Variants in SYTL5 observed in about 807,000 individuals in gnomAD.
SYTL5 encodes the protein synaptotagmin like 5.
In SYTL5, 34 loss-of-function variants were observed where a neutral mutation model predicts 55.9. The ratio of observed to expected loss-of-function variants is 0.61; its 90% CI spans 0.46 to 0.81. SYTL5 has a LOEUF of 0.81. Ranked by LOEUF, SYTL5 falls within the 30% of genes least tolerant of loss-of-function variation. The probability of loss-of-function intolerance (pLI) is 0.00; values close to 1 mark genes in which losing one functional copy is unlikely to be tolerated. For missense variants in SYTL5, 637 were observed against 546.7 expected (o/e 1.17, Z -1.65); for synonymous variants, 221 against 188.7 (o/e 1.17, Z -1.40).
intron 11 of SYTL5, among the ~76,000 whole-genome samples, chrX:38,107,004 T>A (rs372394459): frequency 1.8e-5 from 2 of 112,713 alleles, no homozygotes; most frequent in South Asian, 3.7e-4. Context: ...ATATTTGCAA[T>A]TTACACAGAG....
chrX:38,108,983 G>A (rs766980861), intron 12 of SYTL5, among the ~76,000 whole-genome samples: 2 of 112,205 alleles, frequency 1.8e-5, no homozygotes, highest in South Asian at 3.7e-4. Context: ...CTAAAAAATC[G>A]GTTTTACCTT....
intron 2 of SYTL5, among the ~76,000 whole-genome samples, chrX:38,038,772 T>G (rs749292806): frequency 2.7e-5 from 3 of 112,360 alleles, no homozygotes; most frequent in Non-Finnish European, 5.6e-5. Flanking sequence ...ACCAAAATTT[T>G]TTTTAGACTG....
intron 5 of SYTL5, among the ~76,000 whole-genome samples, chrX:38,076,157 A>G (rs748069473): frequency 9.6e-4 from 108 of 112,200 alleles, no homozygotes; most frequent in Non-Finnish European, 1.7e-3. Context: ...ATGGAGCTGC[A>G]GTCTAATAAG....
intron 13 of SYTL5, among the ~76,000 whole-genome samples, chrX:38,116,978 T>C (rs778480711): frequency 1.8e-5 from 2 of 112,515 alleles, no homozygotes; most frequent in Non-Finnish European, 3.8e-5. Context: ...TGAAAACTCA[T>C]TGAAAGCAGG....
At chrX:37,998,611 A>T in the SYTL5 span, among the ~76,000 whole-genome samples, 1 of 111,430 alleles carries the variant, frequency 9.0e-6, no homozygotes, top group Non-Finnish European at 1.9e-5. Context: ...GCCGTTCCAC[A>T]CCTTACTCCC....
At chrX:37,955,442 G>C in the SYTL5 span, among the ~76,000 whole-genome samples, 1 of 111,882 alleles carries the variant, frequency 8.9e-6, no homozygotes, top group African/African-American at 3.2e-5. Flanking sequence ...TATTTACTTT[G>C]TTTTACTGTG....
the SYTL5 span, among the ~76,000 whole-genome samples, chrX:37,927,550 C>T: frequency 3.6e-5 from 4 of 109,849 alleles, no homozygotes; most frequent in Admixed American, 9.8e-5. Flanking sequence ...TCGAGGCGGG[C>T]GGATCACAAG....
chrX:38,038,274 G>A (rs1003038548), intron 2 of SYTL5, among the ~76,000 whole-genome samples: 1 of 111,731 alleles, frequency 9.0e-6, no homozygotes, highest in African/African-American at 3.3e-5. Flanking sequence ...GCTGGCTATA[G>A]CCCCCGTTCC....
chrX:38,043,416 A>G (rs1935342453), intron 2 of SYTL5, among the ~76,000 whole-genome samples: 1 of 105,817 alleles, frequency 9.5e-6, no homozygotes, highest in Non-Finnish European at 1.9e-5. Flanking sequence ...CAATTTTCAT[A>G]TAGTTGGAAA....
chrX:37,912,738 G>A, the SYTL5 span, among the ~76,000 whole-genome samples: 10 of 111,879 alleles, frequency 8.9e-5, no homozygotes, highest in Admixed American at 2.9e-4. Context: ...ACTTTGTGAG[G>A]TAGTCATGTT....
At chrX:38,018,854 A>T (rs1221900420) in intron 1 of SYTL5, among the ~76,000 whole-genome samples, 1 of 110,557 alleles carries the variant, frequency 9.0e-6, no homozygotes, top group Admixed American at 9.6e-5. Context: ...CCCAAAAGTG[A>T]CTCTTATTTT....
intron 3 of SYTL5, among the ~76,000 whole-genome samples, chrX:38,057,299 A>G (rs1179703472): frequency 9.0e-6 from 1 of 111,313 alleles, no homozygotes; most frequent in Non-Finnish European, 1.9e-5. Context: ...CTGTAGATGT[A>G]TGTATATGTT....
intron 2 of SYTL5, among the ~76,000 whole-genome samples, chrX:38,051,205 G>C (rs925564391): frequency 3.6e-5 from 4 of 111,880 alleles, no homozygotes; most frequent in African/African-American, 1.3e-4. Context: ...GAGATGACCA[G>C]AGGGAAGAGG....
intron 1 of SYTL5, among the ~76,000 whole-genome samples, chrX:38,009,184 C>G (rs1934094483): frequency 8.9e-6 from 1 of 111,957 alleles, no homozygotes; most frequent in African/African-American, 3.2e-5. Context: ...GGGTTTCCCT[C>G]AAAGGTTTAG....
At chrX:38,023,359 A>T (rs1285305419) in intron 1 of SYTL5, among the ~76,000 whole-genome samples, 1 of 110,242 alleles carries the variant, frequency 9.1e-6, no homozygotes, top group Non-Finnish European at 1.9e-5. Context: ...TTAAAGACAT[A>T]ATATATGGTT....
At chrX:37,912,952 G>T in the SYTL5 span, among the ~76,000 whole-genome samples, 6 of 111,799 alleles carry the variant, frequency 5.4e-5, no homozygotes, top group Non-Finnish European at 1.1e-4. Context: ...GTATCAAGGT[G>T]TGAACCTATG....
rs921497938 is a variant in SYTL5, at chrX:38,035,920, A to G, written c.119+1912A>G. ...AAAAAAATTATTTCTATAGGAATAA[A>G]CAATTTAATAACCAGATGCCCAGAG... On this transcript the variant is annotated intron_variant, in intron 2 of 16. Coordinates refer to ENST00000297875, the MANE Select transcript of SYTL5 (RefSeq NM_138780.3). Among the ~76,000 whole-genome samples the G allele has an allele frequency of 5.4e-5, 6 of 111,723 alleles. No homozygotes were observed. The East Asian group carries it at 8.4e-4, about 16-fold the overall frequency.
At chrX:38,039,902 G>A (rs751435188) in intron 2 of SYTL5, among the ~76,000 whole-genome samples, 8 of 111,620 alleles carry the variant, frequency 7.2e-5, no homozygotes, top group African/African-American at 2.3e-4. Flanking sequence ...TAGGCCAGGC[G>A]TGGTGGCTCA....
intron 10 of SYTL5, among the ~76,000 whole-genome samples, 157 bp from the exon 11 acceptor site, chrX:38,106,436 A>G (rs1937211713): frequency 8.9e-6 from 1 of 111,926 alleles, no homozygotes; most frequent in African/African-American, 3.2e-5. Flanking sequence ...GATTTTATAC[A>G]ACACCAGCCA....
Sources: allele counts gnomAD v4.1 joint callset (sites outside exome capture counted in the v4.1 genomes callset), GRCh38; gene constraint gnomAD v4.1.1; transcripts MANE v1.5; gene names NCBI Gene and HGNC (gene_info 2026-07-23, HGNC 2026-07-21).